Variants in ZNF804B observed in about 807,000 individuals in gnomAD.
The protein encoded by ZNF804B is zinc finger 804B.
ZNF804B carries 80 observed loss-of-function variants against 101.4 expected under a neutral mutation model. The observed-to-expected ratio is 0.79, with a 90% CI of 0.66 to 0.95. The LOEUF (loss-of-function observed/expected upper bound fraction) is 0.95. ZNF804B is among the 40% of genes least tolerant of loss of function. The probability of loss-of-function intolerance (pLI) is 0.00; values close to 1 mark genes in which losing one functional copy is unlikely to be tolerated. For synonymous variants in ZNF804B, 622 were observed against 558.8 expected (o/e 1.11, Z -1.59); for missense variants, 1,673 against 1,561.9 (o/e 1.07, Z -1.20).
chr7:89,041,103 G>A (rs1045683071), intron 1 of ZNF804B, among the ~76,000 whole-genome samples: 1 of 152,122 alleles, frequency 6.6e-6, no homozygotes, highest in African/African-American at 2.4e-5. Context: ...TGGAACCTTG[G>A]TCTATAGGGA....
At position 88,873,819 on chromosome 7, in the gene ZNF804B, A is replaced by G. The variant is rs1186844797; in HGVS notation, c.108+113735A>G. Among the ~76,000 whole-genome samples the G allele has an allele frequency of 3.3e-5, 5 of 152,202 alleles. No homozygotes were observed. In the East Asian group the frequency reaches 9.7e-4, roughly 29 times the overall value. On this transcript the variant is annotated intron_variant, in intron 1 of 3. Coordinates refer to ENST00000333190, the MANE Select transcript of ZNF804B (RefSeq NM_181646.5). ...ATTTCTGAGGGCTCTGTTCTGTTCC[A>G]TTGATCTATATCTTTGTTTTGGTAC...
intron 1 of ZNF804B, among the ~76,000 whole-genome samples, chr7:89,015,937 G>C (rs1211149188): frequency 1.3e-5 from 2 of 151,556 alleles, no homozygotes; most frequent in African/African-American, 4.8e-5. Flanking sequence ...GGTTGAACTA[G>C]TTTACAGTCC....
intron 2 of ZNF804B, among the ~76,000 whole-genome samples, chr7:89,219,896 T>TATAC (rs377144647): frequency 2.3e-4 from 5 of 21,888 alleles, no homozygotes; most frequent in African/African-American, 4.1e-4. Flanking sequence ...TATATATGTA[T>TATAC]ATATGTGTGT....
At chr7:89,286,713 T>C (rs1790203749) in intron 2 of ZNF804B, among the ~76,000 whole-genome samples, 1 of 152,194 alleles carries the variant, frequency 6.6e-6, no homozygotes, top group African/African-American at 2.4e-5. Flanking sequence ...AGAATGACCT[T>C]AGACAATCTG....
chr7:88,762,773 C>T (rs1308257273), intron 1 of ZNF804B, among the ~76,000 whole-genome samples: 1 of 151,152 alleles, frequency 6.6e-6, no homozygotes, highest in East Asian at 1.9e-4. Context: ...TTAATTATTT[C>T]CACTCACTGA....
At chr7:89,200,795 T>C (rs1331878151) in intron 1 of ZNF804B, among the ~76,000 whole-genome samples, 1 of 152,052 alleles carries the variant, frequency 6.6e-6, no homozygotes, top group South Asian at 2.1e-4. Context: ...GATTCTTTCC[T>C]CCATTCATTT....
intron 1 of ZNF804B, among the ~76,000 whole-genome samples, chr7:88,804,060 A>G (rs1276700831): frequency 6.6e-6 from 1 of 152,134 alleles, no homozygotes; most frequent in Admixed American, 6.6e-5. Context: ...AAAAAAGCCT[A>G]AGGACTGGGG....
chr7:88,945,103 A>G (rs945280149), intron 1 of ZNF804B, among the ~76,000 whole-genome samples: 1 of 151,950 alleles, frequency 6.6e-6, no homozygotes, highest in African/African-American at 2.4e-5. Flanking sequence ...ATTAGATCCC[A>G]TTTCTCAATT....
chr7:89,157,031 G>T (rs555195223), intron 1 of ZNF804B, among the ~76,000 whole-genome samples: 17 of 152,232 alleles, frequency 1.1e-4, no homozygotes, highest in African/African-American at 3.6e-4. Flanking sequence ...TCATTTACTC[G>T]AGACTGCCAC....
At chr7:89,191,144 C>T (rs2115613630) in intron 1 of ZNF804B, among the ~76,000 whole-genome samples, 1 of 152,058 alleles carries the variant, frequency 6.6e-6, no homozygotes, top group Non-Finnish European at 1.5e-5. Context: ...AACAGAGAAT[C>T]TAAAACAAAT....
intron 1 of ZNF804B, among the ~76,000 whole-genome samples, chr7:88,909,491 T>C (rs1339341584): frequency 6.6e-6 from 1 of 151,822 alleles, no homozygotes; most frequent in Non-Finnish European, 1.5e-5. Context: ...TCTTCCTCTT[T>C]GTTTTTCTTC....
intron 1 of ZNF804B, among the ~76,000 whole-genome samples, chr7:89,209,200 A>G (rs948147541): frequency 6.6e-6 from 1 of 152,132 alleles, no homozygotes; most frequent in Non-Finnish European, 1.5e-5. Flanking sequence ...CAAATTAGAA[A>G]CAATGCTGAG....
intron 1 of ZNF804B, among the ~76,000 whole-genome samples, chr7:88,915,531 AT>A (rs1562830861): frequency 6.6e-6 from 1 of 151,988 alleles, no homozygotes; most frequent in Non-Finnish European, 1.5e-5. Context: ...ATGGAAAAAA[AT>A]ATATTAGGTA....
chr7:89,142,983 GA>G (rs1041191647), intron 1 of ZNF804B, among the ~76,000 whole-genome samples: 2 of 151,982 alleles, frequency 1.3e-5, no homozygotes, highest in African/African-American at 4.8e-5. Flanking sequence ...CTATTTCTGT[GA>G]AGTGAAATCA....
intron 2 of ZNF804B, among the ~76,000 whole-genome samples, chr7:89,225,261 T>C (rs1345828173): frequency 1.3e-5 from 2 of 152,174 alleles, no homozygotes; most frequent in Non-Finnish European, 2.9e-5. Context: ...TGTTTAACTA[T>C]TGGTAGATTG....
At chr7:89,112,061 A>C (rs1227644717) in intron 1 of ZNF804B, among the ~76,000 whole-genome samples, 1 of 148,534 alleles carries the variant, frequency 6.7e-6, no homozygotes, top group Non-Finnish European at 1.5e-5. Context: ...AGCTTAGATC[A>C]TGCCACTGCG....
At chr7:89,291,138 C>G (rs1045930434) in intron 2 of ZNF804B, among the ~76,000 whole-genome samples, 15 of 152,078 alleles carry the variant, frequency 9.9e-5, no homozygotes, top group African/African-American at 3.6e-4. Flanking sequence ...TGTCAAATAC[C>G]TGAAAAATCT....
At chr7:89,032,286 A>G (rs558084762) in intron 1 of ZNF804B, among the ~76,000 whole-genome samples, 100 of 150,818 alleles carry the variant, frequency 6.6e-4, no homozygotes, top group Non-Finnish European at 1.0e-3. Context: ...ACTCTTTATA[A>G]TACATTCTTG....
rs770452728 is a variant in ZNF804B at position 89,334,926 on chromosome 7, T to G, written c.1944T>G (p.Phe648Leu). The change falls in exon 4 of 4, where the codon TTT becomes TTG. Residue 648 changes from phenylalanine (F) to leucine (L), a missense_variant. Coordinates refer to ENST00000333190, the MANE Select transcript of ZNF804B (RefSeq NM_181646.5). ...KLIPCSPHLE[F>L]EDERQFNCKS... ...TTCCCTGCAGTCCTCATTTGGAATT[T>G]GAAGATGAAAGACAATTCAACTGCA... 6.2e-7 allele frequency: 1 copy of G among 1,613,880 alleles called. No individual in the cohort carries two copies. Among genetic ancestry groups the G allele is most frequent in the South Asian group, 1.1e-5 (1 of 91,082 alleles).
Sources: gnomAD v4.1 joint callset for allele counts (sites outside exome capture counted in the v4.1 genomes callset) on GRCh38, gnomAD v4.1.1 for gene constraint, MANE v1.5 for transcripts, NCBI Gene and HGNC (gene_info 2026-07-23, HGNC 2026-07-21) for gene names.